The following DPF2 variants were observed in gnomAD, a reference collection of about 807,000 sequenced individuals.
The protein encoded by DPF2 is zinc finger protein ubi-d4.
A neutral mutation model predicts 59.6 loss-of-function variants in DPF2; 10 were observed. The observed-to-expected ratio is 0.17, with a 90% CI of 0.10 to 0.28. DPF2 has a LOEUF of 0.28. DPF2 is among the 10% of genes least tolerant of loss of function. The pLI is 1.00. For synonymous variants in DPF2, 189 were observed against 190.6 expected (o/e 0.99, Z 0.07); for missense variants, 315 against 509.4 (o/e 0.62, Z 3.67).
chr11:65,343,917 G>T (rs1406465899), intron 5 of DPF2, 74 bp from the exon 6 acceptor site: 1 of 1,606,326 alleles, frequency 6.2e-7, no homozygotes, highest in Non-Finnish European at 8.5e-7. Flanking sequence ...TGAGATTAGC[G>T]GCCACTTCCA....
chr11:65,341,324 C>A lies in DPF2; in HGVS notation c.302-75C>A, dbSNP rs562819064. On this transcript the variant is annotated intron_variant, in intron 3 of 10. Transcript: ENST00000528416. ...AGATAGTGACAGACCTTTGGTAAGC[C>A]CCAGCATTATGTGGACTCAGAGCAG... is the stretch of plus-strand genomic sequence containing the variant. 6.3e-6 allele frequency: 10 copies of A among 1,591,132 alleles called. No homozygotes were observed. In the East Asian group the frequency reaches 2.2e-4, roughly 36 times the overall value.
intron 4 of DPF2, 198 bp downstream of exon 4, chr11:65,341,760 T>G: frequency 1.5e-6 from 1 of 645,402 alleles, no homozygotes; most frequent in Non-Finnish European, 2.6e-6. Flanking sequence ...AGACTCTCAT[T>G]CATTCACTTT....
At chr11:65,337,500 TATATAGAGAGAGAGAGAG>T (rs1314109077) in intron 1 of DPF2, among the ~76,000 whole-genome samples, 42 of 40,272 alleles carry the variant, frequency 1.0e-3, no homozygotes, top group African/African-American at 3.8e-3. Context: ...TATATATATA[TATATAGAGAGAGAGAGAG>T]AGAGAGAGAG....
Position 65,351,928 on chromosome 11 carries a change from C to A in DPF2, c.*169C>A. The A allele has an allele frequency of 1.5e-6, 1 of 675,012 alleles. No homozygotes were observed. The highest frequency in any genetic ancestry group is 4.1e-4 in the Middle Eastern group (1 of 2,422). The allele number at this position is 675,012 out of a possible 1,614,324, so 41.8% of individuals were successfully genotyped here. A position where few individuals can be genotyped will look rare whatever the true frequency, so the allele number is the denominator to read the frequency against. Reference sequence around the variant, plus strand: ...CTGCAAGCTGAGGTGGCAGCTCTGACCACCTCTGGCCCCAGGCCCTCAGGG... The same window carrying A: ...CTGCAAGCTGAGGTGGCAGCTCTGAACACCTCTGGCCCCAGGCCCTCAGGG... On this transcript the variant is annotated 3_prime_UTR_variant, in exon 11 of 11. Transcript: ENST00000528416.
At chr11:65,346,800 A>G (rs1854544564) in intron 9 of DPF2, 1 of 157,302 alleles carries the variant, frequency 6.4e-6, no homozygotes. Context: ...GCCAGTCAAG[A>G]TTTGGAGGTA....
At position 65,346,368 on chromosome 11, in the gene DPF2, C is replaced by A. The variant is rs1481723804; in HGVS notation, c.1017+9C>A. The A allele has an allele frequency of 3.1e-6, 5 of 1,608,642 alleles. No homozygotes were observed. Among genetic ancestry groups the A allele is most frequent in the Non-Finnish European group, 4.2e-6 (5 of 1,178,122 alleles). On this transcript the variant is annotated intron_variant, in intron 9 of 10. Coordinates refer to ENST00000528416, the MANE Select transcript of DPF2 (RefSeq NM_006268.5). ...GCACCTCCGAGAATGACGTGTGTATCCCCGCCCCCTCCTCAGCATGGCTCC... is the reference window on the plus strand; with the variant it reads ...GCACCTCCGAGAATGACGTGTGTATACCCGCCCCCTCCTCAGCATGGCTCC...
rs1477150318 is a variant in DPF2 at position 65,354,172 on chromosome 11, G to T, written c.*2413G>T. Among the ~76,000 whole-genome samples the T allele has an allele frequency of 6.6e-6, 1 of 152,186 alleles. No homozygotes were observed. Among genetic ancestry groups the T allele is most frequent in the Non-Finnish European group, 1.5e-5 (1 of 68,036 alleles). On this transcript the variant is annotated 3_prime_UTR_variant, in exon 11 of 11. Transcript: ENST00000528416. The stretch of plus-strand genomic sequence containing the variant: ...GTCTGCGTTTAATTCGGGACTGAAG[G>T]TTAGCAGGGAAGGGAACGATGCCAG...
At chr11:65,350,744 C>G (rs912649821) in intron 10 of DPF2, among the ~76,000 whole-genome samples, 2 of 151,292 alleles carry the variant, frequency 1.3e-5, no homozygotes, top group Non-Finnish European at 2.9e-5. Context: ...TCTGTAATCC[C>G]AGCACTTTGG....
At chr11:65,350,643 A>C (rs1265364198) in intron 10 of DPF2, among the ~76,000 whole-genome samples, 1 of 150,724 alleles carries the variant, frequency 6.6e-6, no homozygotes, top group Non-Finnish European at 1.5e-5. Flanking sequence ...CAGCTTCCCA[A>C]AGTGCTGGGA....
chr11:65,345,678 G>A lies in DPF2; in HGVS notation c.650G>A (p.Arg217His). 1.2e-6 allele frequency: 2 copies of A among 1,614,078 alleles called. No individual in the cohort carries two copies. Among genetic ancestry groups the A allele is most frequent in the African/African-American group, 1.3e-5 (1 of 75,024 alleles). ...KPYACDICGK[R>H]YKNRPGLSYH... ...TCTTCCCACTCAGTTTGTGGAAAAC[G>A]TTACAAGAACCGACCAGGCCTCAGT... is the stretch of plus-strand genomic sequence containing the variant. Residue 217 changes from arginine to histidine, a missense_variant, in exon 7 of 11, where the codon CGT (arginine) becomes CAT (histidine). By Grantham distance (29) the Arg-to-His change is conservative. Transcript: ENST00000528416.
chr11:65,349,458 T>G (rs1854628526), intron 10 of DPF2, among the ~76,000 whole-genome samples: 1 of 152,122 alleles, frequency 6.6e-6, no homozygotes, highest in African/African-American at 2.4e-5. Context: ...TCTCCACAAG[T>G]CCCCTTCCAG....
chr11:65,338,726 C>T (rs948550587), intron 1 of DPF2, among the ~76,000 whole-genome samples: 2 of 152,112 alleles, frequency 1.3e-5, no homozygotes, highest in Non-Finnish European at 2.9e-5. Flanking sequence ...CTCTGTGTGT[C>T]GTATGTGTCT....
intron 9 of DPF2, chr11:65,346,602 C>T (rs910815955): frequency 6.8e-6 from 3 of 443,462 alleles, no homozygotes; most frequent in African/African-American, 2.0e-5. Context: ...GTCCCTGCCT[C>T]ATGAGATTTA....
intron 9 of DPF2, chr11:65,348,611 GA>G (rs56032535): frequency 0.092 from 21,991 of 238,252 alleles, 250 homozygotes; most frequent in African/African-American, 0.12. Context: ...GGGCTTTAGG[GA>G]AAAAAAAAAA....
At chr11:65,345,572 C>T (rs377282343) in intron 6 of DPF2, 94 bp from the exon 7 acceptor site, 3 of 1,549,512 alleles carry the variant, frequency 1.9e-6, no homozygotes, top group South Asian at 2.4e-5. Context: ...GATGGTTGCC[C>T]TCTGCCTCAG....
intron 4 of DPF2, among the ~76,000 whole-genome samples, chr11:65,342,322 C>T (rs1020659767): frequency 2.6e-5 from 4 of 152,104 alleles, no homozygotes; most frequent in Non-Finnish European, 4.4e-5. Flanking sequence ...TGGTGGCACA[C>T]GCCTGCAGTC....
chr11:65,351,493 T>C (rs1395623146), intron 10 of DPF2, among the ~76,000 whole-genome samples, 190 bp from the exon 11 acceptor site: 8 of 152,266 alleles, frequency 5.3e-5, no homozygotes, highest in African/African-American at 1.7e-4. Context: ...TAGAGGATGA[T>C]ATTTCATAAT....
At chr11:65,346,113 T>A (rs1352040532) in intron 8 of DPF2, 55 bp downstream of exon 8, 1 of 1,609,058 alleles carries the variant, frequency 6.2e-7, no homozygotes, top group Non-Finnish European at 8.5e-7. Context: ...GGCTCTTGGC[T>A]TGCTGGCCTC....
rs1358137428 is a variant in DPF2, at chr11:65,352,996, G to GT, written c.*1240dup. 1 of 150,300 alleles carries GT rather than the reference G, an allele frequency of 6.7e-6. No individual in the cohort carries two copies. The highest frequency in any genetic ancestry group is 2.4e-5 in the African/African-American group (1 of 40,940). 9.3% of individuals were successfully genotyped at this position (150,300 alleles called of 1,614,324 possible). ...TTTACACAGAGCCCTCTGCTGGATGGTTTATCTCCTGCCTTTCTCCATTAA... is the reference window on the plus strand; with the variant it reads ...TTTACACAGAGCCCTCTGCTGGATGGTTTTATCTCCTGCCTTTCTCCATTAA... On this transcript the variant is annotated 3_prime_UTR_variant, in exon 11 of 11. Transcript: ENST00000528416.
Sources: gnomAD v4.1 joint callset for allele counts (sites outside exome capture counted in the v4.1 genomes callset) on GRCh38, gnomAD v4.1.1 for gene constraint, MANE v1.5 for transcripts, NCBI Gene and HGNC (gene_info 2026-07-23, HGNC 2026-07-21) for gene names.